KIAA1328: variants seen among roughly 807,000 people sequenced by gnomAD.
The protein encoded by KIAA1328 is protein hinderin.
Under a neutral mutation model 68.1 loss-of-function variants are expected in KIAA1328, and 52 were observed. That is an observed-to-expected ratio of 0.76 (90% CI 0.61 to 0.96). The LOEUF is 0.96. Among genes scored for constraint, KIAA1328 ranks in the 40% least tolerant of loss-of-function variants. The pLI, the probability that KIAA1328 is intolerant of heterozygous loss-of-function variation, is 0.00. For synonymous variants in KIAA1328, 232 were observed against 239.4 expected, an observed-to-expected ratio of 0.97 and a Z score of 0.28; for missense variants, 641 against 677.6, an observed-to-expected ratio of 0.95 and a Z score of 0.60.
In KIAA1328 at chr18:36,970,941, A is replaced by G. The variant is rs1477813798; in HGVS notation, c.576+11506A>G. Among the ~76,000 whole-genome samples, 2 of 152,232 alleles carry G rather than the reference A, an allele frequency of 1.3e-5. 1 individual carries two copies. The highest frequency in any genetic ancestry group is 4.1e-4 in the South Asian group (2 of 4,836). On this transcript the variant is annotated intron_variant, in intron 6 of 9. Coordinates refer to ENST00000280020, the MANE Select transcript of KIAA1328 (RefSeq NM_020776.3). ...CCATTGACTTTCTTCACAGAATTACAAAAAACTACTTTAAATTTCATATGG... is the reference window on the plus strand; with the variant it reads ...CCATTGACTTTCTTCACAGAATTACGAAAAACTACTTTAAATTTCATATGG...
intron 7 of KIAA1328, among the ~76,000 whole-genome samples, chr18:37,142,512 A>G (rs1207950493): frequency 6.6e-6 from 1 of 152,074 alleles, no homozygotes; most frequent in Non-Finnish European, 1.5e-5. Context: ...TTTTCCATAC[A>G]GATATTCTGT....
At chr18:36,902,319 C>T (rs1374884157) in intron 5 of KIAA1328, 2 of 151,902 alleles carry the variant, frequency 1.3e-5, no homozygotes, top group African/African-American at 4.8e-5. Context: ...ATTCTGTCAC[C>T]AAAAAATACC....
At chr18:36,836,782 A>G (rs2150773981) in intron 3 of KIAA1328, among the ~76,000 whole-genome samples, 1 of 152,212 alleles carries the variant, frequency 6.6e-6, no homozygotes, top group East Asian at 1.9e-4. Flanking sequence ...CCAATTAGGC[A>G]CTTCTCATTC....
At chr18:36,960,049 C>G (rs2051594930) in intron 6 of KIAA1328, among the ~76,000 whole-genome samples, 1 of 152,174 alleles carries the variant, frequency 6.6e-6, no homozygotes, top group Admixed American at 6.5e-5. Context: ...ATTTCCGTTT[C>G]CTAGCCAAGG....
chr18:37,041,348 A>G (rs1231890193), intron 6 of KIAA1328, among the ~76,000 whole-genome samples: 2 of 152,152 alleles, frequency 1.3e-5, no homozygotes, highest in African/African-American at 2.4e-5. Flanking sequence ...TGATATTAGT[A>G]TAGCTACTTC....
chr18:37,196,822 A>G (rs557078349), intron 9 of KIAA1328, among the ~76,000 whole-genome samples: 28 of 152,046 alleles, frequency 1.8e-4, no homozygotes, highest in East Asian at 5.8e-4. Flanking sequence ...CTCATCTTCA[A>G]TGTTTTGAAA....
intron 7 of KIAA1328, chr18:37,075,324 T>C (rs1359803599): frequency 6.6e-6 from 1 of 152,166 alleles, no homozygotes; most frequent in Non-Finnish European, 1.5e-5. Flanking sequence ...AAAGAGCTCC[T>C]GAAGGAAGCA....
chr18:36,995,102 C>T (rs932531444), intron 6 of KIAA1328, among the ~76,000 whole-genome samples: 3 of 152,118 alleles, frequency 2.0e-5, no homozygotes, highest in Non-Finnish European at 2.9e-5. Context: ...TGTTATCTCT[C>T]GCCTAGCCTC....
At chr18:36,915,928 A>C (rs1207613518) in intron 5 of KIAA1328, among the ~76,000 whole-genome samples, 2 of 152,188 alleles carry the variant, frequency 1.3e-5, no homozygotes, top group African/African-American at 4.8e-5. Context: ...AAAACAACTC[A>C]AATGTCTTTC....
intron 4 of KIAA1328, among the ~76,000 whole-genome samples, chr18:36,876,269 G>A (rs752980399): frequency 2.6e-5 from 4 of 152,080 alleles, no homozygotes; most frequent in Non-Finnish European, 4.4e-5. Context: ...ACCTCTGATA[G>A]AATTTGGCTG....
At chr18:37,142,942 GT>G (rs551875920) in intron 7 of KIAA1328, among the ~76,000 whole-genome samples, 60 of 140,330 alleles carry the variant, frequency 4.3e-4, no homozygotes, top group South Asian at 9.2e-4. Context: ...ATTTACTTTG[GT>G]TTTTTTTTTT....
intron 7 of KIAA1328, among the ~76,000 whole-genome samples, chr18:37,154,421 T>C (rs2059109693): frequency 6.6e-6 from 1 of 152,210 alleles, no homozygotes; most frequent in African/African-American, 2.4e-5. Flanking sequence ...TTTTCTTGCA[T>C]ATCTCTTTAT....
intron 4 of KIAA1328, among the ~76,000 whole-genome samples, chr18:36,881,755 G>A (rs1273230020): frequency 6.6e-6 from 1 of 152,078 alleles, no homozygotes. Flanking sequence ...GTGATTTCAA[G>A]GTTTATTCAT....
At chr18:37,094,996 T>C (rs2057365805) in intron 7 of KIAA1328, among the ~76,000 whole-genome samples, 1 of 151,706 alleles carries the variant, frequency 6.6e-6, no homozygotes, top group South Asian at 2.1e-4. Flanking sequence ...GTCATTAGAT[T>C]AATATAATGG....
intron 5 of KIAA1328, among the ~76,000 whole-genome samples, chr18:36,954,102 A>T (rs2051297489): frequency 7.0e-6 from 1 of 143,488 alleles, no homozygotes; most frequent in Admixed American, 7.8e-5. Flanking sequence ...TCCCGGGTTC[A>T]CGCCATTCTC....
chr18:37,169,136 T>TTTCA (rs2059446532), intron 8 of KIAA1328, among the ~76,000 whole-genome samples: 1 of 148,890 alleles, frequency 6.7e-6, no homozygotes, highest in Non-Finnish European at 1.5e-5. Flanking sequence ...CTTAACAGCA[T>TTTCA]TTTATTTATT....
chr18:37,042,571 G>A (rs1466113644), intron 6 of KIAA1328, among the ~76,000 whole-genome samples: 1 of 152,084 alleles, frequency 6.6e-6, no homozygotes, highest in Non-Finnish European at 1.5e-5. Context: ...TCATCCCACT[G>A]CCTTTTGGCT....
intron 9 of KIAA1328, among the ~76,000 whole-genome samples, chr18:37,193,374 A>G (rs2059943482): frequency 6.6e-6 from 1 of 152,218 alleles, no homozygotes; most frequent in South Asian, 2.1e-4. Flanking sequence ...GTGATTATTC[A>G]TATTAAATGG....
At chr18:37,191,906 C>T (rs1489782408) in intron 9 of KIAA1328, among the ~76,000 whole-genome samples, 1 of 152,228 alleles carries the variant, frequency 6.6e-6, no homozygotes. Flanking sequence ...TTGGCACCCT[C>T]TGTCAGCTTC....
Sources: allele counts gnomAD v4.1 joint callset (sites outside exome capture counted in the v4.1 genomes callset), GRCh38; gene constraint gnomAD v4.1.1; transcripts MANE v1.5; gene names NCBI Gene and HGNC (gene_info 2026-07-23, HGNC 2026-07-21).